Variants in IKZF3 observed in about 807,000 individuals in gnomAD.
IKZF3 encodes the protein zinc finger protein Aiolos.
A neutral mutation model predicts 49.0 loss-of-function variants in IKZF3; 10 were observed. The observed-to-expected ratio is 0.20, with a 90% CI of 0.13 to 0.35. The LOEUF is 0.35. IKZF3 is among the 10% of genes least tolerant of loss of function. The pLI is 1.00. For synonymous variants in IKZF3, 209 were observed against 228.2 expected (o/e 0.92, Z 0.76); for missense variants, 498 against 664.8 (o/e 0.75, Z 2.76).
chr17:39,771,740 T>C (rs1257359295), intron 7 of IKZF3, among the ~76,000 whole-genome samples: 1 of 152,004 alleles, frequency 6.6e-6, no homozygotes, highest in East Asian at 1.9e-4. Context: ...TGTGTGCTTC[T>C]TTTTATTTTT....
At chr17:39,799,995 C>T (rs930326463) in intron 3 of IKZF3, among the ~76,000 whole-genome samples, 2 of 152,166 alleles carry the variant, frequency 1.3e-5, no homozygotes, top group African/African-American at 2.4e-5. Flanking sequence ...GATTAACATT[C>T]TACATTCAGA....
intron 5 of IKZF3, among the ~76,000 whole-genome samples, chr17:39,790,355 TC>T (rs1402691493): frequency 4.6e-5 from 7 of 151,776 alleles, no homozygotes; most frequent in African/African-American, 1.5e-4. Context: ...CTAATTTTTT[TC>T]GAACCAAACT....
intron 3 of IKZF3, among the ~76,000 whole-genome samples, chr17:39,802,492 A>G (rs1340242784): frequency 1.3e-5 from 2 of 151,772 alleles, no homozygotes; most frequent in African/African-American, 4.8e-5. Context: ...CTGTTGTCCC[A>G]GCTACATAGG....
At chr17:39,837,093 C>CT (rs1204957899) in intron 1 of IKZF3, among the ~76,000 whole-genome samples, 12 of 151,374 alleles carry the variant, frequency 7.9e-5, no homozygotes, top group Admixed American at 6.6e-4. Flanking sequence ...CCATGCCTGG[C>CT]TAATTTAAAA....
Position 39,766,334 on chromosome 17 carries a change from G to A in IKZF3, c.986C>T (p.Ala329Val), listed in dbSNP as rs1260075009. The change falls in exon 8 of 8, where the codon GCT becomes GTT. Residue 329 changes from alanine to valine, a missense_variant. By Grantham distance (64) the Ala-to-Val change is moderately conservative (BLOSUM62 0). Around this residue, in one of 3 missense-constraint regions of IKZF3, gnomAD observed 317 missense variants for 397.3 expected, o/e 0.80. Coordinates refer to ENST00000346872, the MANE Select transcript of IKZF3 (RefSeq NM_012481.5). ...ALRPLVQTPP[A>V]PTSEMVPVIS... is the part of the protein sequence containing the mutation. Reference sequence around the variant, plus strand: ...AACTGGAACCATCTCCGAGGTGGGAGCAGGCGGTGTCTGGACCAAGGGGCG... The same window carrying A: ...AACTGGAACCATCTCCGAGGTGGGAACAGGCGGTGTCTGGACCAAGGGGCG... 2 of 1,614,112 alleles carry A rather than the reference G, an allele frequency of 1.2e-6. No homozygotes were observed. Among genetic ancestry groups the A allele is most frequent in the East Asian group, 2.2e-5 (1 of 44,896 alleles).
intron 6 of IKZF3, among the ~76,000 whole-genome samples, chr17:39,785,171 T>C (rs1455440045): frequency 4.6e-5 from 7 of 152,134 alleles, no homozygotes; most frequent in Non-Finnish European, 8.8e-5. Context: ...GGGTGCAAAA[T>C]AGTTAAAGGA....
At chr17:39,856,510 T>C (rs2144568896) in intron 1 of IKZF3, among the ~76,000 whole-genome samples, 1 of 152,280 alleles carries the variant, frequency 6.6e-6, no homozygotes, top group Admixed American at 6.5e-5. Flanking sequence ...AATAATATTC[T>C]TACTTAAATA....
chr17:39,840,252 C>T (rs1156435714), intron 1 of IKZF3, among the ~76,000 whole-genome samples: 1 of 152,204 alleles, frequency 6.6e-6, no homozygotes, highest in Non-Finnish European at 1.5e-5. Context: ...CCCTCTCTGG[C>T]TTTCTCCACT....
At chr17:39,813,019 G>A (rs147730297) in intron 3 of IKZF3, among the ~76,000 whole-genome samples, 84 of 152,114 alleles carry the variant, frequency 5.5e-4, no homozygotes, top group African/African-American at 1.9e-3. Flanking sequence ...GAAGAATGGC[G>A]TGAACCCGGG....
intron 6 of IKZF3, chr17:39,778,057 G>A: frequency 1.9e-6 from 2 of 1,054,382 alleles, no homozygotes; most frequent in Non-Finnish European, 1.1e-6. Context: ...GGACGTGGTT[G>A]GTTGCAAAAA....
chr17:39,838,830 C>G (rs955330853), intron 1 of IKZF3, among the ~76,000 whole-genome samples: 1 of 151,934 alleles, frequency 6.6e-6, no homozygotes, highest in Non-Finnish European at 1.5e-5. Context: ...ATGTAGGAAT[C>G]TTTGTTTTAC....
At chr17:39,854,874 G>A (rs1283607364) in intron 1 of IKZF3, among the ~76,000 whole-genome samples, 2 of 152,134 alleles carry the variant, frequency 1.3e-5, no homozygotes, top group Non-Finnish European at 2.9e-5. Context: ...CACTGGAAAG[G>A]TACTGAAGCT....
At chr17:39,825,715 A>G (rs988322109) in intron 3 of IKZF3, among the ~76,000 whole-genome samples, 14 of 152,214 alleles carry the variant, frequency 9.2e-5, no homozygotes, top group African/African-American at 3.4e-4. Flanking sequence ...TTAGCCTGCT[A>G]TTGAATATTA....
At chr17:39,845,842 A>G (rs1274465322) in intron 1 of IKZF3, among the ~76,000 whole-genome samples, 2 of 152,236 alleles carry the variant, frequency 1.3e-5, no homozygotes, top group Non-Finnish European at 2.9e-5. Flanking sequence ...CATACAAAGC[A>G]CTTTACAAAT....
intron 6 of IKZF3, among the ~76,000 whole-genome samples, chr17:39,786,858 G>A (rs1231414734): frequency 1.3e-5 from 2 of 152,136 alleles, no homozygotes; most frequent in Non-Finnish European, 2.9e-5. Flanking sequence ...CCAACTCCTT[G>A]ATAAAACCAA....
intron 3 of IKZF3, among the ~76,000 whole-genome samples, chr17:39,800,286 A>G (rs983099646): frequency 3.9e-5 from 6 of 152,196 alleles, no homozygotes; most frequent in Non-Finnish European, 8.8e-5. Context: ...CCTCATAGAC[A>G]CTGGTGAAAG....
At chr17:39,777,909 C>T (rs1184722162) in intron 6 of IKZF3, 142 bp from the exon 7 acceptor site, 2 of 1,387,526 alleles carry the variant, frequency 1.4e-6, no homozygotes, top group Non-Finnish European at 1.9e-6. Flanking sequence ...CAGATTCTTG[C>T]CTGGGGTACC....
At chr17:39,778,061 G>A in intron 6 of IKZF3, 1 of 1,048,948 alleles carries the variant, frequency 9.5e-7, no homozygotes, top group Non-Finnish European at 1.1e-6. Context: ...GTGGTTGGTT[G>A]CAAAAAGATA....
At chr17:39,850,258 C>T (rs1351098200) in intron 1 of IKZF3, among the ~76,000 whole-genome samples, 7 of 137,296 alleles carry the variant, frequency 5.1e-5, no homozygotes, top group African/African-American at 8.2e-5. Context: ...CAATATATAG[C>T]ATATTATGTA....
Sources: allele counts gnomAD v4.1 joint callset (sites outside exome capture counted in the v4.1 genomes callset), GRCh38; gene constraint gnomAD v4.1.1; regional missense constraint gnomAD v4.1.1; transcripts MANE v1.5; gene names NCBI Gene and HGNC (gene_info 2026-07-23, HGNC 2026-07-21).